SREK1IP1: variants seen among roughly 807,000 people sequenced by gnomAD.
SREK1IP1 encodes the protein protein SREK1IP1.
A neutral mutation model predicts 22.8 loss-of-function variants in SREK1IP1; 12 were observed. That is an observed-to-expected ratio of 0.53 (90% CI 0.34 to 0.85). The LOEUF (loss-of-function observed/expected upper bound fraction) is 0.85. Ranked by LOEUF, SREK1IP1 falls within the 40% of genes least tolerant of loss-of-function variation. The pLI is 0.02. For missense variants in SREK1IP1, 147 were observed against 171.8 expected, an observed-to-expected ratio of 0.86 and a Z score of 0.81; for synonymous variants, 53 against 52.7, an observed-to-expected ratio of 1.01 and a Z score of -0.02.
At chr5:64,767,755 G>A (rs981678658) in intron 1 of SREK1IP1, among the ~76,000 whole-genome samples, 2 of 152,148 alleles carry the variant, frequency 1.3e-5, no homozygotes, top group African/African-American at 4.8e-5. Context: ...GAGGTGGGGT[G>A]GAGAAGTGTG....
rs112287301 is a variant in SREK1IP1, at chr5:64,729,126, C to T, written c.206-947G>A. On this transcript the variant is annotated intron_variant, in intron 3 of 4. Transcript: ENST00000513458. ...GTTATTTGGCAAGGTAAAGAATAGA[C>T]ATCAGTTTGTCTCATAAAATCCTAG... 6.8e-3 allele frequency among the ~76,000 whole-genome samples: 1,030 copies of T among 152,278 alleles called. 10 individuals are homozygous for T. Among genetic ancestry groups the T allele is most frequent in the African/African-American group, 0.024 (1,005 of 41,562 alleles).
intron 3 of SREK1IP1, among the ~76,000 whole-genome samples, chr5:64,730,107 C>A (rs1742350852): frequency 6.6e-6 from 1 of 151,946 alleles, no homozygotes; most frequent in Non-Finnish European, 1.5e-5. Flanking sequence ...CTGAGAAGAG[C>A]AAGAAGAAGA....
chr5:64,757,008 A>G (rs975253438), intron 1 of SREK1IP1, among the ~76,000 whole-genome samples: 1 of 152,222 alleles, frequency 6.6e-6, no homozygotes, highest in Non-Finnish European at 1.5e-5. Flanking sequence ...GTCCAAACAT[A>G]AAACAGTGCT....
intron 4 of SREK1IP1, among the ~76,000 whole-genome samples, chr5:64,725,861 CTT>C (rs547845420): frequency 3.5e-4 from 39 of 112,024 alleles, no homozygotes; most frequent in African/African-American, 1.1e-3. Flanking sequence ...TTGTTTGTTT[CTT>C]TTTTTTTTTT....
chr5:64,748,524 AAAG>A (rs1742683313), intron 2 of SREK1IP1, among the ~76,000 whole-genome samples: 1 of 152,230 alleles, frequency 6.6e-6, no homozygotes, highest in Non-Finnish European at 1.5e-5. Context: ...AAGCAAATGA[AAAG>A]GAGCATGGCA....
chr5:64,734,878 T>C (rs1483802188), intron 3 of SREK1IP1, among the ~76,000 whole-genome samples: 1 of 152,102 alleles, frequency 6.6e-6, no homozygotes, highest in Non-Finnish European at 1.5e-5. Flanking sequence ...TTTTAAACTC[T>C]TTCCTGAAAT....
intron 1 of SREK1IP1, among the ~76,000 whole-genome samples, chr5:64,766,431 G>GT (rs1378529850): frequency 1.3e-5 from 2 of 152,108 alleles, no homozygotes; most frequent in African/African-American, 2.4e-5. Context: ...CACCAAAAAT[G>GT]TATCTTCAAT....
Position 64,722,594 on chromosome 5 carries a change from A to C in SREK1IP1, c.*1790T>G, listed in dbSNP as rs1742187294. 2 of 152,220 alleles carry C rather than the reference A, an allele frequency of 1.3e-5. No homozygotes were observed. The highest frequency in any genetic ancestry group is 1.3e-4 in the Admixed American group (2 of 15,288). The allele number at this position is 152,220 out of a possible 1,614,324, so 9.4% of individuals were successfully genotyped here. ...AAAAACCGATTTTTAAAATCTTGAT[A>C]ATCGAAGAATATTTTCAAAAAACTA... On this transcript the variant is annotated 3_prime_UTR_variant, in exon 5 of 5. Coordinates refer to ENST00000513458, the MANE Select transcript of SREK1IP1 (RefSeq NM_173829.4).
At chr5:64,731,429 G>A (rs913510284) in intron 3 of SREK1IP1, among the ~76,000 whole-genome samples, 11 of 151,442 alleles carry the variant, frequency 7.3e-5, no homozygotes, top group Non-Finnish European at 1.0e-4. Flanking sequence ...GCGGAGGACT[G>A]CTTGGGCCCA....
At chr5:64,751,678 A>G (rs534584098) in intron 2 of SREK1IP1, among the ~76,000 whole-genome samples, 3 of 152,326 alleles carry the variant, frequency 2.0e-5, no homozygotes, top group African/African-American at 7.2e-5. Flanking sequence ...TGACAATAAA[A>G]AACACTTCTA....
intron 2 of SREK1IP1, among the ~76,000 whole-genome samples, chr5:64,750,383 A>T (rs1280023865): frequency 6.6e-6 from 1 of 152,082 alleles, no homozygotes; most frequent in Admixed American, 6.5e-5. Context: ...ACAACCTTTT[A>T]CAAGTCTGAC....
chr5:64,755,917 T>C (rs1244021517), intron 1 of SREK1IP1, among the ~76,000 whole-genome samples: 1 of 151,964 alleles, frequency 6.6e-6, no homozygotes, highest in Non-Finnish European at 1.5e-5. Flanking sequence ...GGAAAAAATA[T>C]CTAATTTCTT....
intron 1 of SREK1IP1, among the ~76,000 whole-genome samples, chr5:64,762,983 C>T (rs776002883): frequency 3.3e-5 from 5 of 151,936 alleles, no homozygotes; most frequent in African/African-American, 7.3e-5. Flanking sequence ...ACCCAGGAGG[C>T]GGAGGTTGCA....
At chr5:64,758,255 G>C (rs1742883502) in intron 1 of SREK1IP1, among the ~76,000 whole-genome samples, 1 of 151,978 alleles carries the variant, frequency 6.6e-6, no homozygotes, top group African/African-American at 2.4e-5. Context: ...TGCAACCTCT[G>C]CCTCCCAGGT....
chr5:64,727,601 G>C (rs973332030), intron 4 of SREK1IP1: 2 of 138,178 alleles, frequency 1.4e-5, no homozygotes, highest in African/African-American at 5.7e-5. Flanking sequence ...TTGCTGTGTT[G>C]CCCAGGCTGG....
chr5:64,721,643 GC>G lies in SREK1IP1; in HGVS notation c.*2740del, dbSNP rs1222460075. 2.0e-5 allele frequency: 3 copies of G among 151,598 alleles called. No individual in the cohort carries two copies. Among genetic ancestry groups the G allele is most frequent in the African/African-American group, 7.3e-5 (3 of 41,278 alleles). 9.4% of individuals were successfully genotyped at this position (151,598 alleles called of 1,614,324 possible). A position where few individuals can be genotyped will look rare whatever the true frequency, so the allele number is the denominator to read the frequency against. On this transcript the variant is annotated 3_prime_UTR_variant, in exon 5 of 5. Coordinates refer to ENST00000513458, the MANE Select transcript of SREK1IP1 (RefSeq NM_173829.4). ...AACCCAAAAATAATGGCCATAAAGT[GC>G]CAGATAATCTAGTTCCAGATGCAAA... is the stretch of plus-strand genomic sequence containing the variant.
At chr5:64,742,637 A>G (rs931669574) in intron 2 of SREK1IP1, among the ~76,000 whole-genome samples, 2 of 152,156 alleles carry the variant, frequency 1.3e-5, no homozygotes, top group Non-Finnish European at 2.9e-5. Context: ...ATAGAGTTCC[A>G]ATTTGGCTTG....
At chr5:64,733,031 A>G (rs1742403838) in intron 3 of SREK1IP1, among the ~76,000 whole-genome samples, 1 of 152,120 alleles carries the variant, frequency 6.6e-6, no homozygotes, top group Non-Finnish European at 1.5e-5. Flanking sequence ...CTGCTTACAT[A>G]AAAATCAACT....
At chr5:64,759,619 A>G (rs1742910504) in intron 1 of SREK1IP1, among the ~76,000 whole-genome samples, 1 of 152,260 alleles carries the variant, frequency 6.6e-6, no homozygotes, top group African/African-American at 2.4e-5. Context: ...AGGACCAAAA[A>G]AGAGCAATTA....
Sources: allele counts gnomAD v4.1 joint callset (sites outside exome capture counted in the v4.1 genomes callset), GRCh38; gene constraint gnomAD v4.1.1; transcripts MANE v1.5; gene names NCBI Gene and HGNC (gene_info 2026-07-23, HGNC 2026-07-21).